The following POU6F2 variants were observed in gnomAD, a reference collection of about 807,000 sequenced individuals.
POU6F2 encodes the protein POU class 6 homeobox 2, also known as POU domain, class 6, transcription factor 2.
In POU6F2, 31 loss-of-function variants were observed where a neutral mutation model predicts 71.3. The ratio of observed to expected loss-of-function variants is 0.43; its 90% CI spans 0.33 to 0.59. POU6F2 has a LOEUF of 0.59. POU6F2 is among the 20% of genes least tolerant of loss of function. The pLI is 0.04. For missense variants in POU6F2, 783 were observed against 856.8 expected, an observed-to-expected ratio of 0.91 and a Z score of 1.07; for synonymous variants, 347 against 355.7, an observed-to-expected ratio of 0.98 and a Z score of 0.27.
intron 5 of POU6F2, among the ~76,000 whole-genome samples, chr7:39,394,280 C>T (rs191698977): frequency 2.0e-5 from 3 of 152,258 alleles, no homozygotes; most frequent in Non-Finnish European, 4.4e-5. Flanking sequence ...TTTTATTATT[C>T]AAAGTTCAAT....
Position 39,228,141 on chromosome 7 carries a change from G to A in POU6F2, c.598+20521G>A, listed in dbSNP as rs532984671. ...TGACCTAAATACACATACACAAATA[G>A]GTTATAGGAGAATTATGCATTATTT... is the stretch of plus-strand genomic sequence containing the variant. On this transcript the variant is annotated intron_variant, in intron 4 of 9. Transcript: ENST00000518318. 2.4e-4 allele frequency among the ~76,000 whole-genome samples: 37 copies of A among 152,278 alleles called. 1 individual carries two copies. In the South Asian group the frequency reaches 6.8e-3, roughly 28 times the overall value.
chr7:39,059,777 A>G (rs552940124), intron 1 of POU6F2, among the ~76,000 whole-genome samples: 1 of 152,234 alleles, frequency 6.6e-6, no homozygotes, highest in African/African-American at 2.4e-5. Context: ...GAACTAACCC[A>G]AATACCCATC....
At chr7:39,376,266 C>T (rs1019561620) in intron 5 of POU6F2, among the ~76,000 whole-genome samples, 4 of 152,146 alleles carry the variant, frequency 2.6e-5, no homozygotes, top group African/African-American at 4.8e-5. Flanking sequence ...TATAGAATAG[C>T]GCTGTTGGAT....
intron 2 of POU6F2, among the ~76,000 whole-genome samples, chr7:39,157,226 T>C (rs1490756436): frequency 6.6e-6 from 1 of 152,212 alleles, no homozygotes; most frequent in Non-Finnish European, 1.5e-5. Context: ...TTGCATGAGA[T>C]GCTTATTGTT....
chr7:39,447,234 G>A (rs928055586), intron 7 of POU6F2, among the ~76,000 whole-genome samples: 6 of 151,944 alleles, frequency 3.9e-5, no homozygotes, highest in Non-Finnish European at 7.4e-5. Context: ...TTATATTAGG[G>A]AAAAGAAACA....
At chr7:39,444,238 G>T (rs1284879361) in intron 7 of POU6F2, among the ~76,000 whole-genome samples, 1 of 152,100 alleles carries the variant, frequency 6.6e-6, no homozygotes, top group Non-Finnish European at 1.5e-5. Flanking sequence ...AGCTTCCACA[G>T]TATTACATCA....
intron 3 of POU6F2, among the ~76,000 whole-genome samples, chr7:39,205,764 C>A (rs541367856): frequency 6.6e-6 from 1 of 152,190 alleles, no homozygotes; most frequent in African/African-American, 2.4e-5. Context: ...TCTAAAGCAG[C>A]AGTTCTAAAC....
rs528910837 is a variant in POU6F2 at position 39,461,240 on chromosome 7, T to G, written c.1658+525T>G. Among the ~76,000 whole-genome samples, 165 of 152,102 alleles carry G rather than the reference T, an allele frequency of 1.1e-3. 5 individuals carry two copies. Among genetic ancestry groups the G allele is most frequent in the South Asian group, 6.2e-4 (3 of 4,824 alleles). ...AAGCACATTTATAAGAAATAAAAAA[T>G]AAAAGAAAAGAAGCGGTGGCTGCTT... On this transcript the variant is annotated intron_variant, in intron 9 of 9. Coordinates refer to ENST00000518318, the MANE Select transcript of POU6F2 (RefSeq NM_001370959.1).
chr7:39,099,276 CTG>C (rs1791521095), intron 2 of POU6F2, among the ~76,000 whole-genome samples: 1 of 152,194 alleles, frequency 6.6e-6, no homozygotes, highest in East Asian at 1.9e-4. Flanking sequence ...AGCCAGATGT[CTG>C]TGGGCGGCAG....
chr7:39,171,819 T>C (rs1056206024), intron 2 of POU6F2, among the ~76,000 whole-genome samples: 6 of 152,228 alleles, frequency 3.9e-5, no homozygotes, highest in Non-Finnish European at 8.8e-5. Flanking sequence ...GTAACACATC[T>C]AAGTGTTAAA....
At chr7:38,984,122 A>G (rs1359153179) in intron 1 of POU6F2, 2 of 152,130 alleles carry the variant, frequency 1.3e-5, no homozygotes, top group African/African-American at 4.8e-5. Context: ...ACCTATTTTC[A>G]GCCTTCCCCC....
At chr7:39,449,325 G>GA (rs1329563498) in intron 7 of POU6F2, among the ~76,000 whole-genome samples, 1 of 152,178 alleles carries the variant, frequency 6.6e-6, no homozygotes, top group African/African-American at 2.4e-5. Flanking sequence ...TACCACAGGG[G>GA]ACCAGAAGGG....
intron 4 of POU6F2, among the ~76,000 whole-genome samples, chr7:39,259,959 C>CCA (rs202064934): frequency 0.013 from 2,032 of 151,572 alleles, 37 homozygotes; most frequent in African/African-American, 0.046. Flanking sequence ...CGTACATGCA[C>CCA]CACACACACA....
chr7:39,293,962 G>C (rs1784807214), intron 4 of POU6F2, among the ~76,000 whole-genome samples: 1 of 152,078 alleles, frequency 6.6e-6, no homozygotes, highest in African/African-American at 2.4e-5. Context: ...TGGAGCAAAG[G>C]ATGAAAAACT....
rs1790885416 is a variant in POU6F2 at position 39,071,689 on chromosome 7, AC to A, written c.106-14170del. 4.7e-5 allele frequency among the ~76,000 whole-genome samples: 7 copies of A among 149,156 alleles called. 1 individual carries two copies. Among genetic ancestry groups the A allele is most frequent in the African/African-American group, 1.8e-4 (7 of 39,654 alleles). On this transcript the variant is annotated intron_variant, in intron 1 of 9. Transcript: ENST00000518318. Reference sequence around the variant, plus strand: ...CACACACACACACACACACACACACACACACACACAATATCAAAGTTAAATG... The same window carrying A: ...CACACACACACACACACACACACACAACACACACAATATCAAAGTTAAATG...
chr7:39,285,779 T>C (rs1784639077), intron 4 of POU6F2, among the ~76,000 whole-genome samples: 1 of 152,206 alleles, frequency 6.6e-6, no homozygotes, highest in Admixed American at 6.5e-5. Context: ...AGTTTCTCAG[T>C]AGCATCCCCA....
At chr7:39,109,018 T>A (rs997863874) in intron 2 of POU6F2, among the ~76,000 whole-genome samples, 56 of 152,176 alleles carry the variant, frequency 3.7e-4, no homozygotes, top group Admixed American at 1.6e-3. Flanking sequence ...GCCCCAATTT[T>A]GCTGTTAATT....
intron 2 of POU6F2, among the ~76,000 whole-genome samples, chr7:39,116,173 C>G (rs1450746871): frequency 6.6e-6 from 1 of 152,100 alleles, no homozygotes; most frequent in Non-Finnish European, 1.5e-5. Flanking sequence ...TCGCTTGAGC[C>G]CAGGAGTTCA....
At chr7:39,238,717 G>T (rs1794721291) in intron 4 of POU6F2, among the ~76,000 whole-genome samples, 1 of 152,122 alleles carries the variant, frequency 6.6e-6, no homozygotes. Flanking sequence ...TTGGATCTGA[G>T]GTAGATACTG....
Sources: gnomAD v4.1 joint callset for allele counts (sites outside exome capture counted in the v4.1 genomes callset) on GRCh38, gnomAD v4.1.1 for gene constraint, MANE v1.5 for transcripts, NCBI Gene and HGNC (gene_info 2026-07-23, HGNC 2026-07-21) for gene names.